SACS: variants seen among roughly 807,000 people sequenced by gnomAD.
SACS encodes the protein sacsin.
SACS carries 197 observed loss-of-function variants against 348.0 expected under a neutral mutation model. The ratio of observed to expected loss-of-function variants is 0.57; its 90% confidence interval spans 0.50 to 0.64. The LOEUF (loss-of-function observed/expected upper bound fraction) is 0.64, where lower values mean the gene tolerates loss of function less well. SACS is among the 30% of genes least tolerant of loss of function. SACS has a pLI of 0.00. For synonymous variants in SACS, 1,985 were observed against 1,910.6 expected (o/e 1.04, Z -1.02); for missense variants, 4,999 against 5,360.8 (o/e 0.93, Z 2.11).
At chr13:23,388,812 A>G (rs1430350268) in intron 2 of SACS, among the ~76,000 whole-genome samples, 1 of 152,034 alleles carries the variant, frequency 6.6e-6, no homozygotes, top group African/African-American at 2.4e-5. Context: ...AGTGCACTAA[A>G]ATTTCAGACT....
chr13:23,343,522 TA>T (rs35599945), intron 9 of SACS, among the ~76,000 whole-genome samples: 2 of 152,026 alleles, frequency 1.3e-5, no homozygotes, highest in Admixed American at 6.6e-5. Context: ...CCATCTCTAC[TA>T]AAAATACAAA....
rs1253383518 is a variant in SACS, at chr13:23,371,229, C to T, written c.172-64G>A. 5.2e-6 allele frequency: 5 copies of T among 968,362 alleles called. No individual in the cohort carries two copies. The East Asian group carries it at 1.1e-4, about 21-fold the overall frequency. The allele number at this position is 968,362 out of a possible 1,614,324, so 60.0% of individuals were successfully genotyped here. A position where few individuals can be genotyped will look rare whatever the true frequency, so the allele number is the denominator to read the frequency against. On this transcript the variant is annotated intron_variant, in intron 3 of 9. Coordinates refer to ENST00000382292, the MANE Select transcript of SACS (RefSeq NM_014363.6). ...AGTCTCTAATACTGTAAATTCAAGA[C>T]ATTATCTCAAATTTTTTCACTTAAG...
At position 23,330,030 on chromosome 13, in the gene SACS, T is replaced by C. The variant is rs1883366935; in HGVS notation, c.*106A>G. On this transcript the variant is annotated 3_prime_UTR_variant, in exon 10 of 10. Coordinates refer to ENST00000382292, the MANE Select transcript of SACS (RefSeq NM_014363.6). ...AGAATTCTCCAAGAACAATCTGCAA[T>C]GTGCTTAACAATTCCTAGCTAATTG... The C allele has an allele frequency of 6.0e-6, 6 of 1,005,794 alleles. No homozygotes were observed. Among genetic ancestry groups the C allele is most frequent in the South Asian group, 2.8e-5 (2 of 71,354 alleles). The allele number at this position is 1,005,794 out of a possible 1,614,324, so 62.3% of individuals were successfully genotyped here. A position where few individuals can be genotyped will look rare whatever the true frequency, so the allele number is the denominator to read the frequency against.
chr13:23,382,304 A>G (rs759432490), intron 2 of SACS, among the ~76,000 whole-genome samples: 3 of 152,072 alleles, frequency 2.0e-5, no homozygotes, highest in African/African-American at 4.8e-5. Context: ...CAGGCACCCA[A>G]CACCATGCCT....
intron 2 of SACS, among the ~76,000 whole-genome samples, chr13:23,397,990 G>A (rs1167220086): frequency 2.0e-5 from 3 of 151,822 alleles, no homozygotes; most frequent in South Asian, 2.1e-4. Context: ...TCGGGAGTTC[G>A]AGACCAGCCT....
intron 1 of SACS, among the ~76,000 whole-genome samples, chr13:23,414,489 T>C (rs1446184259): frequency 6.6e-6 from 1 of 152,198 alleles, no homozygotes; most frequent in Non-Finnish European, 1.5e-5. Context: ...GCAGTATTGA[T>C]CTCAGTGGAA....
rs1287514181 is a variant in SACS at position 23,333,076 on chromosome 13, C to G, written c.10800G>C (p.Leu3600Phe). 1 of 1,613,916 alleles carries G rather than the reference C, an allele frequency of 6.2e-7. No individual in the cohort carries two copies. The highest frequency in any genetic ancestry group is 1.1e-5 in the South Asian group (1 of 91,070). ...GLKYILSQQQ[L>F]LQFAKEISVR... The stretch of plus-strand genomic sequence containing the variant: ...CACTGATTTCCTTAGCAAACTGTAA[C>G]AACTGCTGCTGAGAAAGTATGTATT... Residue 3600 changes from leucine to phenylalanine, a missense_variant, in exon 10 of 10, where the codon TTG becomes TTC. Leu to Phe is a conservative substitution (Grantham distance 22). Transcript: ENST00000382292.
chr13:23,358,463 T>A lies in SACS; in HGVS notation c.476A>T (p.Tyr159Phe). Residue 159 changes from tyrosine (Y) to phenylalanine (F), a missense_variant, in exon 7 of 10, where the codon TAC becomes TTC. Transcript: ENST00000382292. ...CTCTGGGGTGAAAACCGCGTTGTTG[T>A]ACACATAGAGAGCTGGCCCTAGGTG... ...APYQGPALYV[Y>F]NNAVFTPEDW... is the part of the protein sequence containing the mutation. 1 of 1,614,182 alleles carries A rather than the reference T, an allele frequency of 6.2e-7. No individual in the cohort carries two copies. Among genetic ancestry groups the A allele is most frequent in the South Asian group, 1.1e-5 (1 of 91,090 alleles).
At chr13:23,356,130 C>A in intron 7 of SACS, 123 bp from the exon 8 acceptor site, 1 of 787,074 alleles carries the variant, frequency 1.3e-6, no homozygotes, top group Non-Finnish European at 2.0e-6. Context: ...TATCTAAACA[C>A]AAACTTAATT....
At position 23,355,846 on chromosome 13, in the gene SACS, T is replaced by C. The variant is rs766245230; in HGVS notation, c.766A>G (p.Ser256Gly). Residue 256 changes from serine to glycine, a missense_variant, in exon 8 of 10, where the codon AGC becomes GGC. Ser to Gly is a moderately conservative substitution (Grantham distance 56). Around this residue, in one of 6 missense-constraint regions of SACS, gnomAD observed 3,156 missense variants for 3,380.1 expected, o/e 0.93. Transcript: ENST00000382292. ...CCGTTTATAAATGTTTCCTTGGTGC[T>C]TCCAAAAATGCCAACAAATGGTGCA... is the stretch of plus-strand genomic sequence containing the variant. Reference protein sequence around the residue: ...QFAPFVGIFGSTKETFINGNF... With the variant: ...QFAPFVGIFGGTKETFINGNF... 4 of 1,614,244 alleles carry C rather than the reference T, an allele frequency of 2.5e-6. No individual in the cohort carries two copies. The East Asian group carries it at 8.9e-5, about 36-fold the overall frequency.
chr13:23,375,261 G>A lies in SACS; in HGVS notation c.29C>T (p.Pro10Leu), dbSNP rs1215104195. Residue 10 changes from proline (P) to leucine (L), a missense_variant, in exon 3 of 10, where the codon CCG (proline) becomes CTG (leucine). This residue lies in a region of SACS where 3,156 missense variants were observed against 3,380.1 expected (regional missense o/e 0.93). Transcript: ENST00000382292. ...CACGCAGCCGGGGAGCACGGTCACCGGGACCCACCTGTGGAAAGCAGAGGG... is the reference window on the plus strand; with the variant it reads ...CACGCAGCCGGGGAGCACGGTCACCAGGACCCACCTGTGGAAAGCAGAGGG... METKENRWVPVTVLPGCVGC... is the reference protein window; with the variant it reads METKENRWVLVTVLPGCVGC... 8.8e-6 allele frequency: 13 copies of A among 1,472,746 alleles called. No homozygotes were observed. Among genetic ancestry groups the A allele is most frequent in the Middle Eastern group, 3.5e-4 (2 of 5,758 alleles). The allele number at this position is 1,472,746 out of a possible 1,614,324, so 91.2% of individuals were successfully genotyped here.
chr13:23,377,438 C>T (rs1441364527), intron 2 of SACS, among the ~76,000 whole-genome samples: 3 of 152,188 alleles, frequency 2.0e-5, no homozygotes, highest in Non-Finnish European at 4.4e-5. Context: ...TCATTTTACT[C>T]TCTTCCTACA....
chr13:23,405,527 T>C (rs1339789348), intron 2 of SACS, among the ~76,000 whole-genome samples: 1 of 152,108 alleles, frequency 6.6e-6, no homozygotes, highest in African/African-American at 2.4e-5. Context: ...CCAAAAGCAA[T>C]GGCAATCGAA....
rs779878559 is a variant in SACS at position 23,339,828 on chromosome 13, G to T, written c.4048C>A (p.Gln1350Lys). 2 of 1,612,928 alleles carry T rather than the reference G, an allele frequency of 1.2e-6. No individual in the cohort carries two copies. Among genetic ancestry groups the T allele is most frequent in the African/African-American group, 1.3e-5 (1 of 74,870 alleles). The change falls in exon 10 of 10, where the codon CAA (glutamine) becomes AAA (lysine). Residue 1350 changes from glutamine to lysine, a missense_variant. This residue lies in a region of SACS where 3,156 missense variants were observed against 3,380.1 expected (regional missense o/e 0.93). Coordinates refer to ENST00000382292, the MANE Select transcript of SACS (RefSeq NM_014363.6). ...YLKSDQDLSE[Q>K]ESKQNLHLML... ...AGATGAAGATTTTGTTTGCTTTCTT[G>T]TTCACTGAGATCTTGGTCACTTTTG...
Position 23,334,417 on chromosome 13 carries a change from C to T in SACS, c.9459G>A (p.Leu3153=). The T allele has an allele frequency of 6.2e-7, 1 of 1,612,698 alleles. No individual in the cohort carries two copies. The highest frequency in any genetic ancestry group is 1.1e-5 in the South Asian group (1 of 91,058). Residue 3153 remains leucine, a synonymous_variant, in exon 10 of 10, where the codon TTG becomes TTA. Transcript: ENST00000382292. ...AEENEIEVEG[L]PLLITLDSVL... ...CACTGTCCAGTGTGATGAGAAGGGG[C>T]AATCCCTCAACTTCAATCTCATTTT... is the stretch of plus-strand genomic sequence containing the variant.
intron 5 of SACS, among the ~76,000 whole-genome samples, chr13:23,368,047 T>A (rs1453848483): frequency 2.0e-5 from 3 of 152,132 alleles, no homozygotes; most frequent in African/African-American, 7.2e-5. Flanking sequence ...AATCGTAGAA[T>A]GTATTTGGCT....
chr13:23,384,192 G>C (rs1485576761), intron 2 of SACS, among the ~76,000 whole-genome samples: 1 of 152,244 alleles, frequency 6.6e-6, no homozygotes, highest in Non-Finnish European at 1.5e-5. Flanking sequence ...TCAGGCAGAA[G>C]AGCAGAAGGC....
In SACS at chr13:23,331,773, T is replaced by C. The variant is rs147634443; in HGVS notation, c.12103A>G (p.Ile4035Val). The change falls in exon 10 of 10, where the codon ATA (isoleucine) becomes GTA (valine). Residue 4035 changes from isoleucine (I) to valine (V), a missense_variant. Ile to Val is a conservative substitution (Grantham distance 29). This residue lies in a region of SACS where 831 missense variants were observed against 941.8 expected (regional missense o/e 0.88). Transcript: ENST00000382292. ...TCTCTTAGGGCTTTGCAAAGTCTTATGGCTTTTTCTTCATTGGCCAGAAAA... is the reference window on the plus strand; with the variant it reads ...TCTCTTAGGGCTTTGCAAAGTCTTACGGCTTTTTCTTCATTGGCCAGAAAA... ...NAFLANEEKA[I>V]RLCKALREGL... The C allele has an allele frequency of 4.2e-5, 68 of 1,613,864 alleles. No homozygotes were observed. Among genetic ancestry groups the C allele is most frequent in the Admixed American group, 5.0e-5 (3 of 59,994 alleles).
chr13:23,409,070 T>TTTTTTTTTTTTTTTTTG, intron 2 of SACS, among the ~76,000 whole-genome samples: 1 of 72,800 alleles, frequency 1.4e-5, no homozygotes, highest in South Asian at 5.7e-4. Flanking sequence ...TTTTTTTTTT[T>TTTTTTTTTTTTTTTTTG]GAGACGGAGT....
Sources: gnomAD v4.1 joint callset for allele counts (sites outside exome capture counted in the v4.1 genomes callset) on GRCh38, gnomAD v4.1.1 for gene constraint, gnomAD v4.1.1 regional missense constraint, MANE v1.5 for transcripts, NCBI Gene and HGNC (gene_info 2026-07-23, HGNC 2026-07-21) for gene names.